The following COL23A1 variants were observed in gnomAD, a reference collection of about 807,000 sequenced individuals.
COL23A1 encodes collagen alpha-1(XXIII) chain.
COL23A1 carries 97 observed loss-of-function variants against 99.3 expected under a neutral mutation model. That is an observed-to-expected ratio of 0.98 (90% confidence interval 0.83 to 1.16). The LOEUF is 1.16. Among genes scored for constraint, COL23A1 ranks in the 50% most tolerant of loss-of-function variants. The probability of loss-of-function intolerance (pLI) is 0.00; values close to 1 mark genes in which losing one functional copy is unlikely to be tolerated. For synonymous variants in COL23A1, 320 were observed against 308.2 expected (o/e 1.04, Z -0.40); for missense variants, 762 against 757.4 (o/e 1.01, Z -0.07).
intron 1 of COL23A1, among the ~76,000 whole-genome samples, chr5:178,565,020 T>A (rs920362844): frequency 6.6e-6 from 1 of 152,166 alleles, no homozygotes; most frequent in African/African-American, 2.4e-5. Flanking sequence ...TAGTGAAAGA[T>A]GTGGAATCTC....
chr5:178,487,616 G>C (rs1398179925), intron 2 of COL23A1, among the ~76,000 whole-genome samples: 1 of 152,174 alleles, frequency 6.6e-6, no homozygotes, highest in Admixed American at 6.5e-5. Flanking sequence ...TGTGATGCCT[G>C]TCCGGGGAAT....
intron 2 of COL23A1, among the ~76,000 whole-genome samples, chr5:178,471,546 T>C (rs1321377295): frequency 6.6e-6 from 1 of 152,144 alleles, no homozygotes; most frequent in Non-Finnish European, 1.5e-5. Flanking sequence ...GGCCTGCTTT[T>C]TATATTTTCT....
chr5:178,540,767 C>A (rs980699587), intron 2 of COL23A1, among the ~76,000 whole-genome samples: 8 of 152,008 alleles, frequency 5.3e-5, no homozygotes, highest in Admixed American at 4.6e-4. Context: ...ACAAAAAAAT[C>A]TCTGCAAAAG....
chr5:178,575,900 G>A (rs262052), intron 1 of COL23A1, among the ~76,000 whole-genome samples: 2 of 152,148 alleles, frequency 1.3e-5, no homozygotes, highest in Non-Finnish European at 1.5e-5. Context: ...CCAGGTGTTC[G>A]GAATATGACC....
chr5:178,509,343 C>T (rs1022392246), intron 2 of COL23A1, among the ~76,000 whole-genome samples: 2 of 152,132 alleles, frequency 1.3e-5, no homozygotes, highest in Non-Finnish European at 2.9e-5. Context: ...GCCTCAGCCT[C>T]CCTAGTAGCT....
chr5:178,238,534 G>C lies in COL23A1; in HGVS notation c.*164C>G. ...GGTCTGGCCTGTCCACTTTCCGGCA[G>C]CTTCACATGCCGGTGGCTTTGGGGC... is the stretch of plus-strand genomic sequence containing the variant. On this transcript the variant is annotated 3_prime_UTR_variant, in exon 29 of 29. Coordinates refer to ENST00000390654, the MANE Select transcript of COL23A1 (RefSeq NM_173465.4). 1 of 905,822 alleles carries C rather than the reference G, an allele frequency of 1.1e-6. No homozygotes were observed. 56.1% of individuals were successfully genotyped at this position (905,822 alleles called of 1,614,324 possible). A position where few individuals can be genotyped will look rare whatever the true frequency, so the allele number is the denominator to read the frequency against.
chr5:178,443,662 T>C (rs1581400768), intron 2 of COL23A1, among the ~76,000 whole-genome samples: 1 of 152,036 alleles, frequency 6.6e-6, no homozygotes, highest in East Asian at 1.9e-4. Context: ...TTCACCATGT[T>C]GGCCAGACTG....
Position 178,506,954 on chromosome 5 carries a change from C to T in COL23A1, c.361+53728G>A, listed in dbSNP as rs376735413. 5.1e-4 allele frequency among the ~76,000 whole-genome samples: 77 copies of T among 152,262 alleles called. 1 individual carries two copies. In the Middle Eastern group the frequency reaches 0.027, roughly 54 times the overall value. ...TTTTGTATACAGGACCGTTTGTTTT[C>T]AATATTAAGAGATGATTTTTATTCG... On this transcript the variant is annotated intron_variant, in intron 2 of 28. Coordinates refer to ENST00000390654, the MANE Select transcript of COL23A1 (RefSeq NM_173465.4).
intron 2 of COL23A1, among the ~76,000 whole-genome samples, chr5:178,352,611 A>G (rs1761392632): frequency 6.6e-6 from 1 of 152,228 alleles, no homozygotes; most frequent in Non-Finnish European, 1.5e-5. Flanking sequence ...CCTTCTCTCC[A>G]GAGAGGAATG....
chr5:178,414,385 G>T (rs1190802727), intron 2 of COL23A1, among the ~76,000 whole-genome samples: 1 of 149,552 alleles, frequency 6.7e-6, no homozygotes, highest in Non-Finnish European at 1.5e-5. Flanking sequence ...CGTGGCTCTG[G>T]CATTAACTAC....
intron 5 of COL23A1, among the ~76,000 whole-genome samples, chr5:178,274,400 T>A (rs937229066): frequency 5.9e-5 from 9 of 151,914 alleles, no homozygotes; most frequent in African/African-American, 2.2e-4. Context: ...AAGGAATGCA[T>A]GGGGTGGGGG....
intron 2 of COL23A1, among the ~76,000 whole-genome samples, chr5:178,429,211 C>T (rs1420555219): frequency 1.3e-5 from 2 of 152,018 alleles, no homozygotes; most frequent in Admixed American, 6.6e-5. Context: ...CGGGAAAGGC[C>T]GGGACTCATC....
chr5:178,289,043 C>T (rs917643524), intron 4 of COL23A1, among the ~76,000 whole-genome samples: 2 of 152,152 alleles, frequency 1.3e-5, no homozygotes, highest in African/African-American at 4.8e-5. Flanking sequence ...CACACGCTAG[C>T]CTCCCTGAGA....
rs569976221 is a variant in COL23A1, at chr5:178,506,360, G to A, written c.361+54322C>T. Among the ~76,000 whole-genome samples the A allele has an allele frequency of 3.5e-4, 53 of 152,314 alleles. No individual in the cohort carries two copies. In the South Asian group the frequency reaches 0.011, roughly 31 times the overall value. ...CACACCAGGGCAGCAGCTGGTGCGTGCACTCCAGGGACTTGATCAGAAACC... is the reference window on the plus strand; with the variant it reads ...CACACCAGGGCAGCAGCTGGTGCGTACACTCCAGGGACTTGATCAGAAACC... On this transcript the variant is annotated intron_variant, in intron 2 of 28. Transcript: ENST00000390654.
chr5:178,243,192 AAAAC>A (rs58147691), intron 25 of COL23A1, among the ~76,000 whole-genome samples: 82,162 of 150,142 alleles, frequency 0.55, 22,872 homozygotes, highest in Middle Eastern at 0.67. Flanking sequence ...TCTGTCTCAA[AAAAC>A]AAACAAAGAG....
rs762727439 is a variant in COL23A1, at chr5:178,252,576, G to T, written c.982C>A (p.Pro328Thr). ...ALKGPPGPQGPPGPPGIPGAK... is the reference protein window; with the variant it reads ...ALKGPPGPQGTPGPPGIPGAK... ...CCAGGGATCCCTGGTGGCCCTGGGGGCCCCTGTGGTCCGGGAGGCCCCTGT... is the reference window on the plus strand; with the variant it reads ...CCAGGGATCCCTGGTGGCCCTGGGGTCCCCTGTGGTCCGGGAGGCCCCTGT... The change falls in exon 17 of 29, where the codon CCC (proline) becomes ACC (threonine). Residue 328 changes from proline to threonine, a missense_variant. Coordinates refer to ENST00000390654, the MANE Select transcript of COL23A1 (RefSeq NM_173465.4). The T allele has an allele frequency of 6.2e-7, 1 of 1,611,548 alleles. No individual in the cohort carries two copies. Among genetic ancestry groups the T allele is most frequent in the Non-Finnish European group, 8.5e-7 (1 of 1,179,018 alleles).
chr5:178,375,700 TTTTC>T (rs201100454), intron 2 of COL23A1, among the ~76,000 whole-genome samples: 2,480 of 152,244 alleles, frequency 0.016, 46 homozygotes, highest in African/African-American at 0.045. Flanking sequence ...ACCCATTCCC[TTTTC>T]TTTCTTTCTT....
Position 178,386,892 on chromosome 5 carries a change from G to A in COL23A1, c.362-79973C>T, listed in dbSNP as rs150661926. Reference sequence around the variant, plus strand: ...CTGGCTCTATGCTGTGCCACTGATCGGATGCCTGGTAACTTCCTCGGCCAT... The same window carrying A: ...CTGGCTCTATGCTGTGCCACTGATCAGATGCCTGGTAACTTCCTCGGCCAT... On this transcript the variant is annotated intron_variant, in intron 2 of 28. Coordinates refer to ENST00000390654, the MANE Select transcript of COL23A1 (RefSeq NM_173465.4). 6.0e-3 allele frequency among the ~76,000 whole-genome samples: 913 copies of A among 152,246 alleles called. 5 individuals are homozygous for A. Among genetic ancestry groups the A allele is most frequent in the African/African-American group, 0.02 (824 of 41,556 alleles).
chr5:178,367,203 G>A (rs575975391), intron 2 of COL23A1, among the ~76,000 whole-genome samples: 7 of 152,234 alleles, frequency 4.6e-5, no homozygotes, highest in East Asian at 1.9e-4. Flanking sequence ...AACCACCAAT[G>A]GCATCCGCTC....
Sources: gnomAD v4.1 joint callset for allele counts (sites outside exome capture counted in the v4.1 genomes callset) on GRCh38, gnomAD v4.1.1 for gene constraint, MANE v1.5 for transcripts, NCBI Gene and HGNC (gene_info 2026-07-23, HGNC 2026-07-21) for gene names.